The following PRELID2 variants were observed in gnomAD, a reference collection of about 807,000 sequenced individuals.
The protein encoded by PRELID2 is PRELI domain containing 2.
Under a neutral mutation model 28.4 loss-of-function variants are expected in PRELID2, and 25 were observed. The ratio of observed to expected loss-of-function variants is 0.88; its 90% confidence interval spans 0.64 to 1.23. The LOEUF (loss-of-function observed/expected upper bound fraction) is 1.23, where lower values mean the gene tolerates loss of function less well. Ranked by LOEUF, PRELID2 falls within the 50% of genes most tolerant of loss-of-function variation. The pLI is 0.00. For missense variants in PRELID2, 201 were observed against 214.4 expected (o/e 0.94, Z 0.39); for synonymous variants, 76 against 71.6 (o/e 1.06, Z -0.31).
chr5:145,381,916 AGG>A, the PRELID2 span, among the ~76,000 whole-genome samples: 1 of 151,982 alleles, frequency 6.6e-6, no homozygotes, highest in East Asian at 1.9e-4. Flanking sequence ...CATAGTCAAG[AGG>A]AAAAAAAATC....
intron 1 of PRELID2, among the ~76,000 whole-genome samples, chr5:145,567,460 C>T (rs988565410): frequency 6.6e-6 from 1 of 152,172 alleles, no homozygotes; most frequent in Non-Finnish European, 1.5e-5. Context: ...TCACTACAAG[C>T]TCTGCCTCCT....
At chr5:145,724,610 T>C (rs1243215103) in intron 1 of PRELID2, among the ~76,000 whole-genome samples, 2 of 50,224 alleles carry the variant, frequency 4.0e-5, no homozygotes, top group African/African-American at 1.4e-4. Flanking sequence ...AATATATATA[T>C]ATATATATAT....
the PRELID2 span, among the ~76,000 whole-genome samples, chr5:145,372,082 T>C: frequency 6.6e-6 from 1 of 152,088 alleles, no homozygotes; most frequent in Non-Finnish European, 1.5e-5. Flanking sequence ...TTTGGGCATT[T>C]AGTGCTATAA....
the PRELID2 span, among the ~76,000 whole-genome samples, chr5:145,289,921 G>T: frequency 6.6e-6 from 1 of 152,104 alleles, no homozygotes; most frequent in Non-Finnish European, 1.5e-5. Flanking sequence ...TATTTTGCCA[G>T]ACTTTTTGCC....
At chr5:145,261,365 GCCAA>G in the PRELID2 span, among the ~76,000 whole-genome samples, 13 of 152,142 alleles carry the variant, frequency 8.5e-5, no homozygotes, top group African/African-American at 3.1e-4. Flanking sequence ...CTGGCTGGAG[GCCAA>G]CCAACACAAA....
chr5:145,288,289 C>G, the PRELID2 span, among the ~76,000 whole-genome samples: 3 of 152,102 alleles, frequency 2.0e-5, no homozygotes, highest in Non-Finnish European at 4.4e-5. Context: ...TTATTTATAT[C>G]AATATAGACT....
chr5:145,409,727 CA>C, the PRELID2 span, among the ~76,000 whole-genome samples: 2 of 119,810 alleles, frequency 1.7e-5, no homozygotes, highest in Admixed American at 1.9e-4. Flanking sequence ...TCCTGGCTAA[CA>C]AGGTGAAACC....
chr5:145,621,704 G>A (rs1185534777), intron 1 of PRELID2, among the ~76,000 whole-genome samples: 1 of 152,152 alleles, frequency 6.6e-6, no homozygotes, highest in Non-Finnish European at 1.5e-5. Flanking sequence ...AGGGGGAATG[G>A]AGGATAAAGA....
At chr5:145,353,716 G>A in the PRELID2 span, among the ~76,000 whole-genome samples, 1 of 152,098 alleles carries the variant, frequency 6.6e-6, no homozygotes, top group Non-Finnish European at 1.5e-5. Context: ...ACAGCATGGA[G>A]GTAACTGCCT....
rs112269710 is a variant in PRELID2 at position 145,517,780 on chromosome 5, G to C, written n.71-44465C>G. On this transcript the variant is annotated intron_variant and non_coding_transcript_variant, in intron 1 of 2. Coordinates refer to the PRELID2 transcript ENST00000510259. Reference sequence around the variant, plus strand: ...TAATAGACTGGATAAAGAAAATGTGGCACATATACACCATGGAATACTATG... The same window carrying C: ...TAATAGACTGGATAAAGAAAATGTGCCACATATACACCATGGAATACTATG... 2.6e-5 allele frequency among the ~76,000 whole-genome samples: 4 copies of C among 152,268 alleles called. 1 individual carries two copies. Among genetic ancestry groups the C allele is most frequent in the African/African-American group, 9.6e-5 (4 of 41,550 alleles).
intron 1 of PRELID2, among the ~76,000 whole-genome samples, chr5:145,653,292 A>T (rs935179051): frequency 3.9e-5 from 6 of 152,200 alleles, no homozygotes; most frequent in African/African-American, 1.2e-4. Flanking sequence ...CTCCCACACA[A>T]TAATAATGGG....
In PRELID2 at chr5:145,528,718, CACACACACAGAGAGAGAG is replaced by C. The variant is rs1244189327; in HGVS notation, n.71-55421_71-55404del. Among the ~76,000 whole-genome samples, 570 of 135,316 alleles carry C rather than the reference CACACACACAGAGAGAGAG, an allele frequency of 4.2e-3. 3 individuals carry two copies. The highest frequency in any genetic ancestry group is 0.016 in the African/African-American group (543 of 34,990). The allele number at this position is 135,316 out of a possible 152,430, so 88.8% of individuals were successfully genotyped here. A position where few individuals can be genotyped will look rare whatever the true frequency, so the allele number is the denominator to read the frequency against. On this transcript the variant is annotated intron_variant and non_coding_transcript_variant, in intron 1 of 2. Transcript: ENST00000510259. ...ACACACACACACACACACACACACA[CACACACACAGAGAGAGAG>C]AGAGAGAGAGAGAGAGTAAGTCACT...
At chr5:145,257,262 A>G in the PRELID2 span, among the ~76,000 whole-genome samples, 46 of 152,116 alleles carry the variant, frequency 3.0e-4, no homozygotes, top group African/African-American at 8.4e-4. Context: ...TATATAATAC[A>G]TTTTTAACAT....
At position 145,835,271 on chromosome 5, in the gene PRELID2, C is replaced by G. The variant is rs1183902284; in HGVS notation, c.-20G>C. 5 of 1,532,054 alleles carry G rather than the reference C, an allele frequency of 3.3e-6. No individual in the cohort carries two copies. The African/African-American group carries it at 4.1e-5, about 13-fold the overall frequency. The allele number at this position is 1,532,054 out of a possible 1,614,324, so 94.9% of individuals were successfully genotyped here. On this transcript the variant is annotated 5_prime_UTR_variant, in exon 1 of 7. Transcript: ENST00000683046. Reference sequence around the variant, plus strand: ...CCCCATCCCCGCGCGCCGCGGGCCCCGCGCACCGGCCACGCCTCCGCGAGC... The same window carrying G: ...CCCCATCCCCGCGCGCCGCGGGCCCGGCGCACCGGCCACGCCTCCGCGAGC...
At chr5:145,650,523 C>T (rs1208263829) in intron 1 of PRELID2, among the ~76,000 whole-genome samples, 2 of 91,740 alleles carry the variant, frequency 2.2e-5, no homozygotes, top group African/African-American at 4.3e-5. Context: ...TCGAATCGCA[C>T]ATATATACAT....
intron 5 of PRELID2, among the ~76,000 whole-genome samples, chr5:145,792,211 G>A (rs1752441271): frequency 6.6e-6 from 1 of 152,190 alleles, no homozygotes; most frequent in Non-Finnish European, 1.5e-5. Context: ...TCTGGGGTCA[G>A]ACAAGCTTGG....
At chr5:145,423,897 T>G in the PRELID2 span, among the ~76,000 whole-genome samples, 3 of 148,582 alleles carry the variant, frequency 2.0e-5, no homozygotes, top group Admixed American at 6.8e-5. Flanking sequence ...ATGTTGGTGA[T>G]GTACAGATGG....
In PRELID2 at chr5:145,690,202, C is replaced by T. The variant is rs1755119370; in HGVS notation, n.70+74729G>A. 2.6e-5 allele frequency among the ~76,000 whole-genome samples: 4 copies of T among 151,904 alleles called. No individual in the cohort carries two copies. The South Asian group carries it at 6.2e-4, about 24-fold the overall frequency. On this transcript the variant is annotated intron_variant and non_coding_transcript_variant, in intron 1 of 2. Coordinates refer to the PRELID2 transcript ENST00000510259. ...AGATGGGATTTCACCATGGTGCCCC[C>T]GGCCGGTCTTGAACTCCTGAGCTCA...
chr5:145,672,141 C>T (rs1754719637), intron 1 of PRELID2, among the ~76,000 whole-genome samples: 1 of 152,158 alleles, frequency 6.6e-6, no homozygotes, highest in Admixed American at 6.6e-5. Context: ...AGCCCTATAA[C>T]ATCCCCTCTT....
Sources: allele counts gnomAD v4.1 joint callset (sites outside exome capture counted in the v4.1 genomes callset), GRCh38; gene constraint gnomAD v4.1.1; transcripts MANE v1.5; gene names NCBI Gene and HGNC (gene_info 2026-07-23, HGNC 2026-07-21).